Variants in MAPK10 observed in about 807,000 individuals in gnomAD.
The protein encoded by MAPK10 is JNK3 alpha protein kinase.
Under a neutral mutation model 59.3 loss-of-function variants are expected in MAPK10, and 25 were observed. The observed-to-expected ratio is 0.42, with a 90% CI of 0.31 to 0.59. The LOEUF (loss-of-function observed/expected upper bound fraction) is 0.59, where lower values mean the gene tolerates loss of function less well. MAPK10 is among the 20% of genes least tolerant of loss of function. The probability of loss-of-function intolerance (pLI) is 0.15; values close to 1 mark genes in which losing one functional copy is unlikely to be tolerated. For missense variants in MAPK10, 351 were observed against 568.9 expected (o/e 0.62, Z 3.90); for synonymous variants, 190 against 200.5 (o/e 0.95, Z 0.44).
At chr4:86,327,803 AGC>A (rs2096062082) in intron 2 of MAPK10, 1 of 148,288 alleles carries the variant, frequency 6.7e-6, no homozygotes, top group South Asian at 2.2e-4. Context: ...AAAAAAAAAA[AGC>A]TGGGCATGGT....
Position 86,400,289 on chromosome 4 carries a change from T to C in MAPK10, c.-121-45645A>G, listed in dbSNP as rs75065794. 6.8e-3 allele frequency among the ~76,000 whole-genome samples: 1,029 copies of C among 152,292 alleles called. 11 individuals are homozygous for C. The highest frequency in any genetic ancestry group is 0.024 in the African/African-American group (992 of 41,566). ...GTTATTGCTCTTCCACTGATGCATT[T>C]CTTTCCCACACCCATGTTTATACAT... On this transcript the variant is annotated intron_variant, in intron 1 of 13. Coordinates refer to the MAPK10 transcript ENST00000361569.
chr4:86,516,060 A>C (rs1156845558), intron 1 of MAPK10, among the ~76,000 whole-genome samples: 1 of 152,132 alleles, frequency 6.6e-6, no homozygotes, highest in Non-Finnish European at 1.5e-5. Flanking sequence ...ATTTTTGTAT[A>C]AGGTGAGAGA....
upstream of MAPK10, among the ~76,000 whole-genome samples, chr4:86,364,365 G>C (rs1031152999): frequency 2.0e-5 from 3 of 152,092 alleles, no homozygotes. Flanking sequence ...CTGAGCTCAA[G>C]TGATCCACCC....
At chr4:86,306,589 C>T (rs747583809) in intron 2 of MAPK10, among the ~76,000 whole-genome samples, 57 of 152,214 alleles carry the variant, frequency 3.7e-4, no homozygotes, top group Non-Finnish European at 5.3e-4. Context: ...AGTTTTAAAA[C>T]AGTAATTACA....
At chr4:86,517,344 C>T (rs1300738610) in intron 1 of MAPK10, among the ~76,000 whole-genome samples, 2 of 138,084 alleles carry the variant, frequency 1.4e-5, no homozygotes, top group Non-Finnish European at 3.0e-5. Flanking sequence ...GGTGCAATCT[C>T]GGCTCACTGC....
rs1183472113 is a variant in MAPK10 at position 86,077,688 on chromosome 4, C to T, written c.803-9733G>A. 2.6e-5 allele frequency among the ~76,000 whole-genome samples: 4 copies of T among 152,166 alleles called. No individual in the cohort carries two copies. The East Asian group carries it at 7.7e-4, about 29-fold the overall frequency. ...TCTGCTCTAGGCCTTATATCCAATA[C>T]TTTGTGCAAAAATTTTCTGACCTCT... On this transcript the variant is annotated intron_variant, in intron 9 of 13. Coordinates refer to ENST00000641462, the MANE Select transcript of MAPK10 (RefSeq NM_138982.4).
intron 1 of MAPK10, among the ~76,000 whole-genome samples, chr4:86,393,506 T>C (rs761262635): frequency 1.8e-4 from 27 of 152,240 alleles, no homozygotes; most frequent in Non-Finnish European, 3.1e-4. Context: ...GCAATGTTTC[T>C]AATGGAACCA....
chr4:86,368,704 C>T (rs955096701), intron 1 of MAPK10, among the ~76,000 whole-genome samples: 3 of 152,092 alleles, frequency 2.0e-5, no homozygotes, highest in Admixed American at 6.6e-5. Context: ...TGTGGTTAAA[C>T]GTACTTTGAT....
At chr4:86,341,764 C>G (rs1051538162) in intron 2 of MAPK10, among the ~76,000 whole-genome samples, 2 of 149,982 alleles carry the variant, frequency 1.3e-5, no homozygotes, top group African/African-American at 4.9e-5. Flanking sequence ...GGTAAAGGAC[C>G]CCGATTAGGA....
chr4:86,289,523 A>G (rs1053049575), intron 2 of MAPK10, among the ~76,000 whole-genome samples: 17 of 151,602 alleles, frequency 1.1e-4, no homozygotes, highest in African/African-American at 3.9e-4. Context: ...ATTATATAGT[A>G]TGGGATATGT....
chr4:86,179,455 A>G (rs775120077), intron 3 of MAPK10, among the ~76,000 whole-genome samples: 42 of 152,138 alleles, frequency 2.8e-4, no homozygotes, highest in Non-Finnish European at 5.4e-4. Flanking sequence ...ATTCAATGTA[A>G]CGCCTACCAA....
chr4:86,170,685 G>C (rs983752635), intron 3 of MAPK10, among the ~76,000 whole-genome samples: 3 of 151,886 alleles, frequency 2.0e-5, no homozygotes, highest in African/African-American at 7.3e-5. Context: ...AGTTAACAAG[G>C]ATACCCAGGA....
chr4:86,138,552 A>G (rs1158966399), intron 4 of MAPK10, among the ~76,000 whole-genome samples: 2 of 134,570 alleles, frequency 1.5e-5, no homozygotes, highest in African/African-American at 2.7e-5. Flanking sequence ...AATAAGAGCT[A>G]TCTATGACAA....
At chr4:86,429,243 G>C (rs1035203947) in intron 1 of MAPK10, among the ~76,000 whole-genome samples, 2 of 151,968 alleles carry the variant, frequency 1.3e-5, no homozygotes, top group African/African-American at 2.4e-5. Context: ...CGGAGATTTC[G>C]AAGCCTTAAT....
intron 2 of MAPK10, among the ~76,000 whole-genome samples, chr4:86,344,228 G>A (rs1265050143): frequency 6.6e-6 from 1 of 152,120 alleles, no homozygotes; most frequent in Non-Finnish European, 1.5e-5. Context: ...CAGGGCTCCA[G>A]GAATTCTATC....
At chr4:86,593,492 G>A (rs1254601657) in intron 1 of MAPK10, among the ~76,000 whole-genome samples, 1 of 152,198 alleles carries the variant, frequency 6.6e-6, no homozygotes, top group South Asian at 2.1e-4. Flanking sequence ...GGGTACAGCT[G>A]TCTGGATATA....
At chr4:86,288,644 A>G (rs1172083552) in intron 2 of MAPK10, among the ~76,000 whole-genome samples, 1 of 152,034 alleles carries the variant, frequency 6.6e-6, no homozygotes, top group African/African-American at 2.4e-5. Context: ...AATAAGTGTC[A>G]TTTTAGGAAA....
intron 2 of MAPK10, among the ~76,000 whole-genome samples, chr4:86,257,145 T>C (rs2093778131): frequency 6.6e-6 from 1 of 152,184 alleles, no homozygotes. Context: ...TATAGGACAC[T>C]AGCATGAATA....
chr4:86,267,178 G>C (rs906822574), intron 2 of MAPK10, among the ~76,000 whole-genome samples: 1 of 152,180 alleles, frequency 6.6e-6, no homozygotes, highest in Non-Finnish European at 1.5e-5. Flanking sequence ...AAAGTTCACA[G>C]AAGTTATTAT....
Sources: gnomAD v4.1 joint callset for allele counts (sites outside exome capture counted in the v4.1 genomes callset) on GRCh38, gnomAD v4.1.1 for gene constraint, MANE v1.5 for transcripts, NCBI Gene and HGNC (gene_info 2026-07-23, HGNC 2026-07-21) for gene names.